Variants in MAEA observed in about 807,000 individuals in gnomAD.
The protein encoded by MAEA is macrophage erythroblast attacher, E3 ubiquitin ligase.
MAEA carries 22 observed loss-of-function variants against 46.2 expected under a neutral mutation model. The observed-to-expected ratio is 0.48, with a 90% CI of 0.34 to 0.68. MAEA has a LOEUF of 0.68. Among genes scored for constraint, MAEA ranks in the 30% least tolerant of loss-of-function variants. The pLI, the probability that MAEA is intolerant of heterozygous loss-of-function variation, is 0.01. For missense variants in MAEA, 393 were observed against 558.1 expected (o/e 0.70, Z 2.98); for synonymous variants, 246 against 222.6 (o/e 1.11, Z -0.94).
chr4:1,324,110 C>T (rs1317210765), intron 4 of MAEA, among the ~76,000 whole-genome samples: 1 of 149,756 alleles, frequency 6.7e-6, no homozygotes, highest in Non-Finnish European at 1.5e-5. Flanking sequence ...ATGAGTGTGC[C>T]TGGTATTGGA....
chr4:1,302,669 A>G (rs1735434038), intron 1 of MAEA, among the ~76,000 whole-genome samples: 1 of 152,040 alleles, frequency 6.6e-6, no homozygotes, highest in African/African-American at 2.4e-5. Context: ...TTTAGTAGAG[A>G]CGGGGTTTCA....
In MAEA at chr4:1,326,218, C is replaced by A. The variant is rs562536727; in HGVS notation, c.580-1409C>A. 1.2e-4 allele frequency among the ~76,000 whole-genome samples: 19 copies of A among 152,350 alleles called. No homozygotes were observed. In the South Asian group the frequency reaches 3.7e-3, roughly 30 times the overall value. On this transcript the variant is annotated intron_variant, in intron 4 of 8. Coordinates refer to ENST00000303400, the MANE Select transcript of MAEA (RefSeq NM_001017405.3). ...GGGAAGCGGAAGTGATGAGCTTCAA[C>A]TTAAATGCAGTGGTCCGGGGTGGAT...
chr4:1,317,899 G>T (rs745628469), intron 3 of MAEA, among the ~76,000 whole-genome samples: 8 of 152,168 alleles, frequency 5.3e-5, no homozygotes, highest in Non-Finnish European at 1.0e-4. Context: ...TCGCTGGACG[G>T]GGTCGTCTGT....
chr4:1,304,427 C>G (rs1735637322), intron 1 of MAEA, among the ~76,000 whole-genome samples: 1 of 152,036 alleles, frequency 6.6e-6, no homozygotes, highest in Non-Finnish European at 1.5e-5. Flanking sequence ...AGTCACCATG[C>G]TTGGCCCTGA....
At chr4:1,291,690 C>T (rs1734124669) in intron 1 of MAEA, among the ~76,000 whole-genome samples, 1 of 152,140 alleles carries the variant, frequency 6.6e-6, no homozygotes, top group Non-Finnish European at 1.5e-5. Flanking sequence ...GGAAAAGTTT[C>T]CAGAAATCCT....
chr4:1,336,124 C>T (rs553216036), intron 6 of MAEA, among the ~76,000 whole-genome samples: 5 of 152,230 alleles, frequency 3.3e-5, no homozygotes, highest in Non-Finnish European at 7.3e-5. Context: ...CAGCACTCAT[C>T]CCGCAGCATG....
intron 7 of MAEA, chr4:1,337,254 C>G (rs996180698): frequency 2.0e-6 from 1 of 506,116 alleles, no homozygotes; most frequent in Non-Finnish European, 3.5e-6. Flanking sequence ...GGGCATTGAT[C>G]TAAAAGCCCG....
At chr4:1,298,691 C>G (rs1434928496) in intron 1 of MAEA, among the ~76,000 whole-genome samples, 1 of 152,106 alleles carries the variant, frequency 6.6e-6, no homozygotes, top group East Asian at 1.9e-4. Context: ...CGGGCTCAGT[C>G]CTTGGCCCTG....
rs2108904714 is a variant in MAEA at position 1,311,140 on chromosome 4, TG to T, written c.70-836del. Among the ~76,000 whole-genome samples the T allele has an allele frequency of 6.6e-6, 1 of 152,296 alleles. No homozygotes were observed. The highest frequency in any genetic ancestry group is 1.9e-4 in the East Asian group (1 of 5,170). On this transcript the variant is annotated intron_variant, in intron 1 of 8. Coordinates refer to ENST00000303400, the MANE Select transcript of MAEA (RefSeq NM_001017405.3). This position sits in a 1 kb window ranked among gnomAD's most constrained non-coding sequence, Gnocchi z 4.4. ...TCTGGCACAGCTGCGACGGCAGAGT[TG>T]GGCCCACTGCTCTTGGGCGGCAGCA...
At chr4:1,291,950 C>G (rs1218873353) in intron 1 of MAEA, among the ~76,000 whole-genome samples, 2 of 152,082 alleles carry the variant, frequency 1.3e-5, no homozygotes, top group Non-Finnish European at 2.9e-5. Flanking sequence ...AGGAGTGATT[C>G]CTAGTGGATA....
intron 5 of MAEA, chr4:1,331,095 G>A (rs933481373): frequency 2.6e-5 from 4 of 151,848 alleles, no homozygotes; most frequent in Admixed American, 2.6e-4. Context: ...GTGACGAAGG[G>A]TGACTTGTCT....
At chr4:1,334,322 G>C (rs953079540) in intron 6 of MAEA, among the ~76,000 whole-genome samples, 7 of 151,974 alleles carry the variant, frequency 4.6e-5, no homozygotes, top group African/African-American at 1.7e-4. Context: ...CTGCCACCCT[G>C]TAGGGACTGC....
At chr4:1,326,755 C>T (rs918936128) in intron 4 of MAEA, among the ~76,000 whole-genome samples, 8 of 152,222 alleles carry the variant, frequency 5.3e-5, no homozygotes, top group Non-Finnish European at 1.2e-4. Context: ...CACCTAGGAC[C>T]TCAGTGTCCC....
At chr4:1,310,717 G>C (rs13119532) in intron 1 of MAEA, among the ~76,000 whole-genome samples, 55,334 of 152,150 alleles carry the variant, frequency 0.36, 11,224 homozygotes, top group Non-Finnish European at 0.46. Context: ...CCACGTCGGC[G>C]CTGGGGGATG....
At chr4:1,296,895 T>A (rs577412547) in intron 1 of MAEA, among the ~76,000 whole-genome samples, 2 of 152,152 alleles carry the variant, frequency 1.3e-5, no homozygotes, top group East Asian at 3.9e-4. Flanking sequence ...GCCTATGCTG[T>A]CTTCTCTAGT....
At chr4:1,290,487 A>G (rs1733989789) in intron 1 of MAEA, among the ~76,000 whole-genome samples, 1 of 152,152 alleles carries the variant, frequency 6.6e-6, no homozygotes, top group Non-Finnish European at 1.5e-5. Context: ...CCTGAAATAC[A>G]GCTCTTGCCG....
chr4:1,294,557 G>T (rs903758204), intron 1 of MAEA, among the ~76,000 whole-genome samples: 22 of 152,026 alleles, frequency 1.4e-4, no homozygotes, highest in African/African-American at 5.3e-4. Flanking sequence ...GCAGAGCAGG[G>T]CTGCAGGTGC....
At chr4:1,304,616 T>G (rs1186049755) in intron 1 of MAEA, among the ~76,000 whole-genome samples, 1 of 152,108 alleles carries the variant, frequency 6.6e-6, no homozygotes. Context: ...AATTTTTTTG[T>G]ATTTTTAGTA....
intron 1 of MAEA, among the ~76,000 whole-genome samples, chr4:1,293,593 G>A (rs1373053774): frequency 6.6e-6 from 1 of 152,182 alleles, no homozygotes; most frequent in Non-Finnish European, 1.5e-5. Context: ...ACCCTGGTCT[G>A]GACCTGGCTC....
Sources: gnomAD v4.1 joint callset for allele counts (sites outside exome capture counted in the v4.1 genomes callset) on GRCh38, gnomAD v4.1.1 for gene constraint, Gnocchi (gnomAD v3.1) non-coding constraint, MANE v1.5 for transcripts, NCBI Gene and HGNC (gene_info 2026-07-23, HGNC 2026-07-21) for gene names.